Variants in DEAF1 observed in about 807,000 individuals in gnomAD.
DEAF1 encodes DEAF1 transcription factor, also known as deformed epidermal autoregulatory factor 1 homolog.
A neutral mutation model predicts 58.9 loss-of-function variants in DEAF1; 53 were observed. The observed-to-expected ratio is 0.90, with a 90% CI of 0.72 to 1.13. The LOEUF (loss-of-function observed/expected upper bound fraction) is 1.13. DEAF1 is among the 50% of genes most tolerant of loss of function. The pLI, the probability that DEAF1 is intolerant of heterozygous loss-of-function variation, is 0.00. For missense variants in DEAF1, 685 were observed against 791.4 expected, an observed-to-expected ratio of 0.87 and a Z score of 1.61; for synonymous variants, 385 against 340.4, an observed-to-expected ratio of 1.13 and a Z score of -1.44.
At chr11:679,083 T>A (rs960837757) in intron 8 of DEAF1, among the ~76,000 whole-genome samples, 1 of 152,018 alleles carries the variant, frequency 6.6e-6, no homozygotes, top group Non-Finnish European at 1.5e-5. Context: ...GAGGCCAAGA[T>A]GGGCGCATCA....
chr11:704,431 G>A (rs1021610448), intron 1 of DEAF1: 10 of 1,288,038 alleles, frequency 7.8e-6, no homozygotes, highest in African/African-American at 3.0e-5. Flanking sequence ...TGACCTGTCT[G>A]TGGCCCCCAG....
intron 10 of DEAF1, 111 bp from the exon 11 acceptor site, chr11:654,162 C>T: frequency 4.0e-6 from 2 of 501,980 alleles, no homozygotes; most frequent in African/African-American, 8.4e-5. Context: ...CCCATTGGAC[C>T]CCCTTTTTTT....
At chr11:674,843 G>T in intron 9 of DEAF1, 60 bp from the exon 10 acceptor site, 1 of 1,598,460 alleles carries the variant, frequency 6.3e-7, no homozygotes. Context: ...GCTTCAAAAT[G>T]GCCTCCGTTA....
intron 10 of DEAF1, among the ~76,000 whole-genome samples, chr11:672,843 G>A (rs574897524): frequency 4.6e-5 from 7 of 151,404 alleles, no homozygotes; most frequent in African/African-American, 9.7e-5. Context: ...GCAAGACTCC[G>A]TCTCAAAAAA....
Position 694,927 on chromosome 11 carries a change from C to A in DEAF1, c.121G>T (p.Val41Leu), listed in dbSNP as rs778141911. 8 of 1,375,046 alleles carry A rather than the reference C, an allele frequency of 5.8e-6. No homozygotes were observed. The highest frequency in any genetic ancestry group is 2.3e-5 in the Admixed American group (1 of 42,940). The allele number at this position is 1,375,046 out of a possible 1,614,324, so 85.2% of individuals were successfully genotyped here. Reference protein sequence around the residue: ...AAAGGEAEEPVLSRDEDSEED... With the variant: ...AAAGGEAEEPLLSRDEDSEED... Reference sequence around the variant, plus strand: ...TCCGAGTCCTCGTCCCTGCTCAGCACCGGCTCCTCCGCCTCGCCTCCTGCC... The same window carrying A: ...TCCGAGTCCTCGTCCCTGCTCAGCAACGGCTCCTCCGCCTCGCCTCCTGCC... Residue 41 changes from valine to leucine, a missense_variant, in exon 1 of 12, where the codon GTG (valine) becomes TTG (leucine). Val to Leu is a conservative substitution (Grantham distance 32). Coordinates refer to ENST00000382409, the MANE Select transcript of DEAF1 (RefSeq NM_021008.4).
Position 644,608 on chromosome 11 carries a change from G to C in DEAF1, c.1640C>G (p.Thr547Ser), listed in dbSNP as rs111947578. The change falls in exon 12 of 12, where the codon ACC becomes AGC. Residue 547 changes from threonine (T) to serine (S), a missense_variant. Coordinates refer to ENST00000382409, the MANE Select transcript of DEAF1 (RefSeq NM_021008.4). The surrounding 1 kb of genome is among the most constrained non-coding windows in gnomAD (Gnocchi z 4.3). ...CACGTGGACTTCGTCTGCCTGGACG[G>C]TGACAGCTGCTGACTGGCCGCATAT... ...QHICGQSAAV[T>S]VQADEVHVAE... 4.3e-4 allele frequency: 698 copies of C among 1,612,906 alleles called. 1 individual carries two copies. Among genetic ancestry groups the C allele is most frequent in the Non-Finnish European group, 5.6e-4 (665 of 1,179,954 alleles).
chr11:667,329 G>GA (rs147942784), intron 10 of DEAF1, among the ~76,000 whole-genome samples: 34,971 of 131,960 alleles, frequency 0.27, 6,887 homozygotes, highest in African/African-American at 0.57. Context: ...AAAAAAGAAA[G>GA]AAAAAAGAAG....
At chr11:645,223 T>C (rs1379691222) in intron 11 of DEAF1, among the ~76,000 whole-genome samples, 1 of 151,872 alleles carries the variant, frequency 6.6e-6, no homozygotes, top group Admixed American at 6.6e-5. Flanking sequence ...CCAGTTGTTT[T>C]GTGTTAGGGA....
At position 683,937 on chromosome 11, in the gene DEAF1, C is replaced by T. The variant is rs540070355; in HGVS notation, c.870+961G>A. Reference sequence around the variant, plus strand: ...TGCCAATGGGACCGACGTCTCCTCCCGGCTCCTTTACTCCTGCAGCGTCTC... The same window carrying T: ...TGCCAATGGGACCGACGTCTCCTCCTGGCTCCTTTACTCCTGCAGCGTCTC... On this transcript the variant is annotated intron_variant, in intron 6 of 11. Coordinates refer to ENST00000382409, the MANE Select transcript of DEAF1 (RefSeq NM_021008.4). Among the ~76,000 whole-genome samples, 52 of 152,278 alleles carry T rather than the reference C, an allele frequency of 3.4e-4. 1 individual carries two copies. Among genetic ancestry groups the T allele is most frequent in the African/African-American group, 1.3e-3 (52 of 41,570 alleles).
chr11:654,423 C>A (rs1589975726), intron 10 of DEAF1, among the ~76,000 whole-genome samples: 2 of 151,112 alleles, frequency 1.3e-5, no homozygotes, highest in African/African-American at 4.9e-5. Flanking sequence ...CCTCGGCCTC[C>A]CAAAGTGCTG....
At chr11:699,819 T>G, upstream of DEAF1, 1 of 290,014 alleles carries the variant, frequency 3.4e-6, no homozygotes, top group Non-Finnish European at 6.4e-6. Context: ...AAAGGCAGGG[T>G]GACATCACTG....
At chr11:666,700 C>T (rs1206705628) in intron 10 of DEAF1, among the ~76,000 whole-genome samples, 5 of 151,498 alleles carry the variant, frequency 3.3e-5, no homozygotes, top group Admixed American at 1.3e-4. Context: ...AGCAAGACTC[C>T]GTCTCAAAAC....
chr11:677,962 C>A (rs200443850), intron 9 of DEAF1, among the ~76,000 whole-genome samples: 112 of 140,188 alleles, frequency 8.0e-4, no homozygotes, highest in Middle Eastern at 3.6e-3. Context: ...CACTCTGTCT[C>A]AAAAAAAAAA....
intron 6 of DEAF1, among the ~76,000 whole-genome samples, chr11:682,085 C>A (rs946399695): frequency 3.3e-5 from 5 of 152,206 alleles, no homozygotes; most frequent in Non-Finnish European, 7.3e-5. Context: ...AGCCTGTTCT[C>A]CTGGGGCGGC....
At chr11:663,934 C>T (rs1185721562) in intron 10 of DEAF1, among the ~76,000 whole-genome samples, 3 of 152,158 alleles carry the variant, frequency 2.0e-5, no homozygotes, top group South Asian at 2.1e-4. Flanking sequence ...AAAATAGGGC[C>T]GAGTGCCATG....
intron 10 of DEAF1, among the ~76,000 whole-genome samples, chr11:667,375 G>A (rs1252303249): frequency 7.3e-6 from 1 of 137,612 alleles, no homozygotes; most frequent in Non-Finnish European, 1.6e-5. Context: ...GAGGGAGGAA[G>A]GAAGGAAGGA....
At chr11:656,866 T>A (rs1022837007) in intron 10 of DEAF1, among the ~76,000 whole-genome samples, 1 of 143,770 alleles carries the variant, frequency 7.0e-6, no homozygotes, top group African/African-American at 2.5e-5. Context: ...TTTGCAAAAC[T>A]TTTTTTTTTT....
At chr11:676,822 G>C (rs1860100944) in intron 9 of DEAF1, among the ~76,000 whole-genome samples, 1 of 152,274 alleles carries the variant, frequency 6.6e-6, no homozygotes, top group Admixed American at 6.5e-5. Context: ...TACAATTGGA[G>C]AAGAAAGTTA....
At chr11:653,698 G>C (rs533575533) in intron 11 of DEAF1, among the ~76,000 whole-genome samples, 1 of 152,172 alleles carries the variant, frequency 6.6e-6, no homozygotes, top group Non-Finnish European at 1.5e-5. Flanking sequence ...GGGTGTGGAG[G>C]GCTGGGAAGC....
Sources: allele counts gnomAD v4.1 joint callset (sites outside exome capture counted in the v4.1 genomes callset), GRCh38; gene constraint gnomAD v4.1.1; non-coding constraint Gnocchi (gnomAD v3.1); transcripts MANE v1.5; gene names NCBI Gene and HGNC (gene_info 2026-07-23, HGNC 2026-07-21).